ADGRL3: variants seen among roughly 807,000 people sequenced by gnomAD.
ADGRL3 encodes the protein adhesion G protein-coupled receptor L3, also known as calcium-independent alpha-latrotoxin receptor 3.
Under a neutral mutation model 153.5 loss-of-function variants are expected in ADGRL3, and 62 were observed. The ratio of observed to expected loss-of-function variants is 0.40; its 90% confidence interval spans 0.33 to 0.50. The LOEUF (loss-of-function observed/expected upper bound fraction) is 0.50. Ranked by LOEUF, ADGRL3 falls within the 20% of genes least tolerant of loss-of-function variation. The pLI, the probability that ADGRL3 is intolerant of heterozygous loss-of-function variation, is 0.47. For missense variants in ADGRL3, 1,641 were observed against 1,859.4 expected (o/e 0.88, Z 2.16); for synonymous variants, 710 against 672.5 (o/e 1.06, Z -0.86).
rs1245586037 is a variant in ADGRL3, at chr4:62,064,952, T to TTGAA, written c.3815-3214_3815-3213insTGAA. On this transcript the variant is annotated intron_variant, in intron 25 of 26. Coordinates refer to ENST00000683033, the MANE Select transcript of ADGRL3 (RefSeq NM_001387552.1). ...TTCAGCTCACTTTGAATTTAAAATT[T>TTGAA]CTTAAGGGATATATGTCTTTAGAAT... Among the ~76,000 whole-genome samples the TTGAA allele has an allele frequency of 2.6e-5, 4 of 152,212 alleles. No individual in the cohort carries two copies. The East Asian group carries it at 7.7e-4, about 29-fold the overall frequency.
chr4:61,780,827 A>G (rs1184170680), intron 8 of ADGRL3, among the ~76,000 whole-genome samples: 4 of 152,200 alleles, frequency 2.6e-5, no homozygotes, highest in Non-Finnish European at 2.9e-5. Context: ...GATCTTGCCC[A>G]TCCTGAATCA....
chr4:61,788,340 A>C (rs2097301633), intron 8 of ADGRL3, among the ~76,000 whole-genome samples: 2 of 152,140 alleles, frequency 1.3e-5, no homozygotes, highest in Admixed American at 1.3e-4. Context: ...AGAGAACTGA[A>C]GACAGATCAC....
rs115478233 is a variant in ADGRL3, at chr4:61,536,304, A to G, written c.259+18786A>G. On this transcript the variant is annotated intron_variant, in intron 4 of 26. Coordinates refer to ENST00000683033, the MANE Select transcript of ADGRL3 (RefSeq NM_001387552.1). ...TGAGACGTGCTTTATCGCCAAGCATATGGTCAGTTTTAGAGAATCTTCCAT... is the reference window on the plus strand; with the variant it reads ...TGAGACGTGCTTTATCGCCAAGCATGTGGTCAGTTTTAGAGAATCTTCCAT... Among the ~76,000 whole-genome samples, 567 of 152,200 alleles carry G rather than the reference A, an allele frequency of 3.7e-3. 3 individuals are homozygous for G. Among genetic ancestry groups the G allele is most frequent in the African/African-American group, 0.013 (536 of 41,570 alleles).
chr4:61,280,563 T>C (rs1029245472), intron 1 of ADGRL3, among the ~76,000 whole-genome samples: 2 of 152,300 alleles, frequency 1.3e-5, no homozygotes, highest in East Asian at 3.9e-4. Flanking sequence ...TAATGTTAAA[T>C]TAAAATTTCC....
intron 5 of ADGRL3, among the ~76,000 whole-genome samples, chr4:61,640,163 C>T (rs2093601041): frequency 6.6e-6 from 1 of 151,742 alleles, no homozygotes; most frequent in Non-Finnish European, 1.5e-5. Context: ...GCTGCTGCCA[C>T]TAATCAAAGC....
chr4:61,929,626 G>T (rs2150081490), intron 13 of ADGRL3, among the ~76,000 whole-genome samples: 1 of 152,256 alleles, frequency 6.6e-6, no homozygotes, highest in South Asian at 2.1e-4. Flanking sequence ...ACTGCTTTTG[G>T]CTCTTGTAAA....
At chr4:61,278,445 A>G (rs2093581640) in intron 1 of ADGRL3, among the ~76,000 whole-genome samples, 1 of 152,182 alleles carries the variant, frequency 6.6e-6, no homozygotes, top group South Asian at 2.1e-4. Flanking sequence ...TGAAAATCAG[A>G]AACATGACAT....
At chr4:61,423,729 C>A (rs989994706) in intron 2 of ADGRL3, among the ~76,000 whole-genome samples, 26 of 152,124 alleles carry the variant, frequency 1.7e-4, no homozygotes, top group African/African-American at 6.0e-4. Flanking sequence ...TTAAAGCCTG[C>A]TGAAAGTCCT....
At chr4:61,605,378 G>A (rs2099028535) in intron 5 of ADGRL3, among the ~76,000 whole-genome samples, 1 of 152,034 alleles carries the variant, frequency 6.6e-6, no homozygotes, top group African/African-American at 2.4e-5. Flanking sequence ...GGAGAAGATT[G>A]TTAGTTTTGT....
At chr4:61,882,907 C>G (rs1157012598) in intron 9 of ADGRL3, among the ~76,000 whole-genome samples, 1 of 152,088 alleles carries the variant, frequency 6.6e-6, no homozygotes, top group Non-Finnish European at 1.5e-5. Flanking sequence ...GAGTTCAAGA[C>G]CAGCCTGACC....
At chr4:61,583,607 A>G (rs527479772) in intron 4 of ADGRL3, 2 of 514,028 alleles carry the variant, frequency 3.9e-6, no homozygotes, top group East Asian at 5.5e-5. Context: ...TGTATGTTTG[A>G]TATGAATTTT....
intron 1 of ADGRL3, among the ~76,000 whole-genome samples, chr4:61,224,238 A>T (rs1746914699): frequency 6.6e-6 from 1 of 152,114 alleles, no homozygotes; most frequent in Non-Finnish European, 1.5e-5. Flanking sequence ...TCCATAGCTA[A>T]AATTTGTTGG....
At chr4:61,922,969 G>T (rs760063025) in intron 13 of ADGRL3, among the ~76,000 whole-genome samples, 4 of 152,094 alleles carry the variant, frequency 2.6e-5, no homozygotes, top group African/African-American at 9.7e-5. Context: ...ACTTCACTTC[G>T]TGCGGATCAG....
intron 8 of ADGRL3, among the ~76,000 whole-genome samples, chr4:61,792,803 T>A (rs921080347): frequency 6.6e-6 from 1 of 151,988 alleles, no homozygotes; most frequent in Non-Finnish European, 1.5e-5. Flanking sequence ...CCCACATTTT[T>A]AAATCTTTTT....
At chr4:61,369,014 T>C (rs372735188) in intron 1 of ADGRL3, among the ~76,000 whole-genome samples, 1 of 151,994 alleles carries the variant, frequency 6.6e-6, no homozygotes, top group East Asian at 1.9e-4. Flanking sequence ...GTTCACTCAT[T>C]ATTTGGCTCT....
chr4:61,369,619 G>A (rs1236484810), intron 1 of ADGRL3, among the ~76,000 whole-genome samples: 2 of 152,112 alleles, frequency 1.3e-5, no homozygotes, highest in African/African-American at 2.4e-5. Flanking sequence ...ATGTGCTGCT[G>A]GATTCGGTTT....
At chr4:61,727,438 T>A (rs1263385883) in intron 6 of ADGRL3, among the ~76,000 whole-genome samples, 2 of 152,150 alleles carry the variant, frequency 1.3e-5, no homozygotes, top group Admixed American at 6.5e-5. Flanking sequence ...TCAAAAACGT[T>A]TGGAAATGAA....
chr4:61,839,170 G>A (rs1051704234), intron 9 of ADGRL3, among the ~76,000 whole-genome samples: 1 of 151,938 alleles, frequency 6.6e-6, no homozygotes, highest in African/African-American at 2.4e-5. Flanking sequence ...TGTGAAGTTT[G>A]TAGTTAGATT....
At chr4:61,263,523 G>A (rs1311133959) in intron 1 of ADGRL3, among the ~76,000 whole-genome samples, 1 of 150,122 alleles carries the variant, frequency 6.7e-6, no homozygotes, top group Non-Finnish European at 1.5e-5. Flanking sequence ...TAATTCTAGC[G>A]TTTCATTTTA....
Sources: allele counts gnomAD v4.1 joint callset (sites outside exome capture counted in the v4.1 genomes callset), GRCh38; gene constraint gnomAD v4.1.1; transcripts MANE v1.5; gene names NCBI Gene and HGNC (gene_info 2026-07-23, HGNC 2026-07-21).